Variants in NIPSNAP3B observed in about 807,000 individuals in gnomAD.
NIPSNAP3B encodes the protein protein NipSnap homolog 3B.
In NIPSNAP3B, 30 loss-of-function variants were observed where a neutral mutation model predicts 31.5. The observed-to-expected ratio is 0.95, with a 90% CI of 0.71 to 1.29. NIPSNAP3B has a LOEUF of 1.29. Among genes scored for constraint, NIPSNAP3B ranks in the 50% most tolerant of loss-of-function variants. The pLI is 0.00. For missense variants in NIPSNAP3B, 269 were observed against 300.7 expected, an observed-to-expected ratio of 0.89 and a Z score of 0.78; for synonymous variants, 106 against 107.9, an observed-to-expected ratio of 0.98 and a Z score of 0.11.
downstream of NIPSNAP3B, among the ~76,000 whole-genome samples, chr9:104,779,565 GAATTA>G (rs1444669548): frequency 6.6e-6 from 1 of 150,510 alleles, no homozygotes; most frequent in Non-Finnish European, 1.5e-5. Flanking sequence ...CAGGTGTTGA[GAATTA>G]AATGAAGTGC....
downstream of NIPSNAP3B, chr9:104,782,512 C>G (rs549298167): frequency 2.7e-4 from 41 of 152,242 alleles, no homozygotes; most frequent in South Asian, 8.5e-3. Flanking sequence ...TCTCTCAAGA[C>G]AGTTAACAGT....
downstream of NIPSNAP3B, among the ~76,000 whole-genome samples, chr9:104,779,020 T>C (rs892552348): frequency 3.3e-5 from 5 of 152,178 alleles, no homozygotes; most frequent in African/African-American, 1.2e-4. Flanking sequence ...GATAGCTCTT[T>C]TACCACCTCA....
At chr9:104,769,143 G>T in intron 3 of NIPSNAP3B, 122 bp downstream of exon 3, 1 of 679,658 alleles carries the variant, frequency 1.5e-6, no homozygotes, top group Non-Finnish European at 2.2e-6. Context: ...AATAATATAT[G>T]ATGAGTCTGG....
intron 4 of NIPSNAP3B, among the ~76,000 whole-genome samples, chr9:104,771,840 C>T (rs1368463687): frequency 1.3e-5 from 2 of 152,178 alleles, no homozygotes; most frequent in Admixed American, 6.5e-5. Flanking sequence ...TTTACACTCC[C>T]ACCAACAGGG....
At chr9:104,784,603 G>C in the NIPSNAP3B span, 1 of 980,742 alleles carries the variant, frequency 1.0e-6, no homozygotes, top group Non-Finnish European at 1.5e-6. Flanking sequence ...GTGTGTGAAG[G>C]AGGGAAGAAT....
chr9:104,767,598 A>G lies in NIPSNAP3B; in HGVS notation c.271+1063A>G, dbSNP rs576134095. ...ATAATAAAACAGACCCTATTAAAAC[A>G]TAATTTATGCTTTAGATAAACCACA... On this transcript the variant is annotated intron_variant, in intron 2 of 5. Coordinates refer to ENST00000374762, the MANE Select transcript of NIPSNAP3B (RefSeq NM_018376.4). Among the ~76,000 whole-genome samples the G allele has an allele frequency of 1.7e-4, 26 of 152,326 alleles. 1 individual carries two copies. Among genetic ancestry groups the G allele is most frequent in the South Asian group, 1.7e-3 (8 of 4,832 alleles).
At position 104,773,031 on chromosome 9, in the gene NIPSNAP3B, G is replaced by A. The variant is rs1828259595; in HGVS notation, c.702G>A (p.Gln234=). The A allele has an allele frequency of 2.5e-6, 4 of 1,613,998 alleles. No homozygotes were observed. The African/African-American group carries it at 5.3e-5, about 22-fold the overall frequency. The part of the protein sequence containing the change: ...RESVNYLVSQ[Q]NMLLIPASFS... The stretch of plus-strand genomic sequence containing the variant: ...GTGTCAACTACCTAGTTTCTCAGCA[G>A]AATATGCTTCTGATTCCTGCATCAT... The change falls in exon 6 of 6, where the codon CAG becomes CAA. Residue 234 remains glutamine, a synonymous_variant. Coordinates refer to ENST00000374762, the MANE Select transcript of NIPSNAP3B (RefSeq NM_018376.4).
the NIPSNAP3B span, chr9:104,788,627 A>G: frequency 3.8e-6 from 6 of 1,584,476 alleles, no homozygotes; most frequent in Non-Finnish European, 5.2e-6. Flanking sequence ...TGGTTAGACA[A>G]TCTGGCCTAA....
At chr9:104,788,017 T>A in the NIPSNAP3B span, 4 of 1,614,192 alleles carry the variant, frequency 2.5e-6, no homozygotes, top group Non-Finnish European at 3.4e-6. Context: ...TTCTCCATAC[T>A]TCACGAGGCC....
At chr9:104,787,065 C>T in the NIPSNAP3B span, 1 of 1,119,908 alleles carries the variant, frequency 8.9e-7, no homozygotes, top group Non-Finnish European at 1.3e-6. Context: ...ATCTTTGAAA[C>T]AGCTTAAATT....
the NIPSNAP3B span, chr9:104,786,180 A>G: frequency 8.1e-6 from 7 of 861,686 alleles, no homozygotes; most frequent in Middle Eastern, 4.6e-4. Context: ...TCTTTCCACT[A>G]TACTGTTTTG....
At chr9:104,779,953 G>T (rs908942321), downstream of NIPSNAP3B, among the ~76,000 whole-genome samples, 4 of 152,198 alleles carry the variant, frequency 2.6e-5, no homozygotes, top group Admixed American at 2.6e-4. Flanking sequence ...CTTGAACCCG[G>T]GAGGCGGAGG....
chr9:104,785,412 T>C, the NIPSNAP3B span: 1 of 1,614,032 alleles, frequency 6.2e-7, no homozygotes, highest in Non-Finnish European at 8.5e-7. Flanking sequence ...AAGTGTTGTC[T>C]GAGAAACAGA....
At position 104,774,022 on chromosome 9, in the gene NIPSNAP3B, G is replaced by C. The variant is rs1378108397; in HGVS notation, c.*949G>C. ...CTTTAGTACTGCCACAGATGTCCTG[G>C]AGTTTTCCTTGAAACATCTTTCATT... On this transcript the variant is annotated 3_prime_UTR_variant, in exon 6 of 6. Coordinates refer to ENST00000374762, the MANE Select transcript of NIPSNAP3B (RefSeq NM_018376.4). 6.6e-6 allele frequency: 1 copy of C among 152,078 alleles called. No homozygotes were observed. Among genetic ancestry groups the C allele is most frequent in the Admixed American group, 6.6e-5 (1 of 15,264 alleles). The allele number at this position is 152,078 out of a possible 1,614,324, so 9.4% of individuals were successfully genotyped here.
chr9:104,766,635 A>G, intron 2 of NIPSNAP3B, 100 bp downstream of exon 2: 1 of 1,152,528 alleles, frequency 8.7e-7, no homozygotes, highest in Non-Finnish European at 1.3e-6. Context: ...AGATACATAC[A>G]GGTTAAGTAA....
chr9:104,766,185 T>A (rs1162354099), intron 1 of NIPSNAP3B, 140 bp from the exon 2 acceptor site: 3 of 633,420 alleles, frequency 4.7e-6, no homozygotes, highest in African/African-American at 3.7e-5. Context: ...TGTAAACAAG[T>A]GTATATGGAG....
At chr9:104,786,272 T>C in the NIPSNAP3B span, 4 of 1,569,032 alleles carry the variant, frequency 2.5e-6, no homozygotes, top group Non-Finnish European at 3.5e-6. Context: ...CACTAGGCAC[T>C]ATCCCAAAGA....
downstream of NIPSNAP3B, chr9:104,782,301 A>T (rs1029484287): frequency 2.0e-5 from 3 of 152,124 alleles, no homozygotes; most frequent in Non-Finnish European, 4.4e-5. Context: ...TTAACTTCTA[A>T]AACAATCATT....
rs563666569 is a variant in NIPSNAP3B, at chr9:104,774,977, T to C, written c.*1904T>C. 3.3e-5 allele frequency among the ~76,000 whole-genome samples: 5 copies of C among 152,130 alleles called. No individual in the cohort carries two copies. The South Asian group carries it at 1.0e-3, about 32-fold the overall frequency. ...AGAGTCTTCATAAGTTCCCACCCCG[T>C]CTGCCCGCTTTCTACAGCCAACCCC... On this transcript the variant is annotated 3_prime_UTR_variant, in exon 6 of 6. Transcript: ENST00000374762.
Sources: allele counts gnomAD v4.1 joint callset (sites outside exome capture counted in the v4.1 genomes callset), GRCh38; gene constraint gnomAD v4.1.1; transcripts MANE v1.5; gene names NCBI Gene and HGNC (gene_info 2026-07-23, HGNC 2026-07-21).